PXDNL: variants seen among roughly 807,000 people sequenced by gnomAD.
PXDNL encodes the protein peroxidasin like.
A neutral mutation model predicts 150.8 loss-of-function variants in PXDNL; 145 were observed. That is an observed-to-expected ratio of 0.96 (90% CI 0.84 to 1.10). PXDNL has a LOEUF of 1.10. PXDNL is among the 50% of genes least tolerant of loss of function. PXDNL has a pLI of 0.00. For missense variants in PXDNL, 2,087 were observed against 1,873.9 expected (o/e 1.11, Z -2.10); for synonymous variants, 757 against 725.7 (o/e 1.04, Z -0.69).
intron 1 of PXDNL, among the ~76,000 whole-genome samples, chr8:51,746,339 G>A (rs1381326423): frequency 2.6e-5 from 4 of 152,178 alleles, no homozygotes; most frequent in Non-Finnish European, 5.9e-5. Flanking sequence ...AGTAGAAGAG[G>A]GAGTGGCCAC....
chr8:51,533,721 G>C (rs1288079136), intron 4 of PXDNL, among the ~76,000 whole-genome samples: 18 of 150,888 alleles, frequency 1.2e-4, no homozygotes, highest in Non-Finnish European at 1.2e-4. Flanking sequence ...TCCTAACCGC[G>C]AGTGATCCGC....
At chr8:51,376,600 G>A (rs1036612894) in intron 17 of PXDNL, among the ~76,000 whole-genome samples, 1 of 151,890 alleles carries the variant, frequency 6.6e-6, no homozygotes, top group African/African-American at 2.4e-5. Flanking sequence ...TTCACGAAAC[G>A]AATTTCTGGT....
rs571527401 is a variant in PXDNL at position 51,755,398 on chromosome 8, A to G, written c.164+53783T>C. Among the ~76,000 whole-genome samples, 141 of 152,010 alleles carry G rather than the reference A, an allele frequency of 9.3e-4. 1 individual carries two copies. The highest frequency in any genetic ancestry group is 1.7e-3 in the Non-Finnish European group (116 of 67,946). On this transcript the variant is annotated intron_variant, in intron 1 of 22. Coordinates refer to ENST00000356297, the MANE Select transcript of PXDNL (RefSeq NM_144651.5). ...CAATCCCCACCTCCTGGGTTCAAGC[A>G]ATTCTCCTGCCTCAGCCTCCTGAGT...
At chr8:51,452,214 G>A (rs963062354) in intron 10 of PXDNL, among the ~76,000 whole-genome samples, 3 of 152,182 alleles carry the variant, frequency 2.0e-5, no homozygotes, top group African/African-American at 7.2e-5. Flanking sequence ...AATGATGTAA[G>A]CAAAACAAAA....
intron 15 of PXDNL, among the ~76,000 whole-genome samples, chr8:51,412,525 T>C (rs1363108729): frequency 6.6e-6 from 1 of 152,182 alleles, no homozygotes; most frequent in Non-Finnish European, 1.5e-5. Context: ...AGCCATTCTA[T>C]TTATGGATGT....
chr8:51,755,298 G>T (rs78866842), intron 1 of PXDNL, among the ~76,000 whole-genome samples: 13 of 141,654 alleles, frequency 9.2e-5, no homozygotes, highest in African/African-American at 2.4e-4. Flanking sequence ...AGAATGTTTT[G>T]TTTTTTTTTT....
intron 6 of PXDNL, among the ~76,000 whole-genome samples, chr8:51,476,352 C>G (rs1281626741): frequency 1.3e-5 from 2 of 152,148 alleles, no homozygotes; most frequent in African/African-American, 4.8e-5. Flanking sequence ...CATGTGTTCT[C>G]TGTGTTTTCC....
intron 2 of PXDNL, among the ~76,000 whole-genome samples, chr8:51,643,945 A>G (rs11782339): frequency 6.6e-6 from 1 of 151,672 alleles, no homozygotes; most frequent in East Asian, 2.0e-4. Context: ...AAAAATGCTC[A>G]TCATCACTGG....
intron 21 of PXDNL, among the ~76,000 whole-genome samples, chr8:51,338,758 C>T (rs1805905885): frequency 6.6e-6 from 1 of 152,192 alleles, no homozygotes. Context: ...TTGATTCATC[C>T]TCAAGTTTTT....
chr8:51,435,685 G>C (rs566169311), intron 12 of PXDNL: 51 of 239,252 alleles, frequency 2.1e-4, no homozygotes, highest in Non-Finnish European at 4.1e-4. Flanking sequence ...AGGCGGAGCA[G>C]CCAGCTAAGC....
chr8:51,542,591 A>G (rs997090804), intron 4 of PXDNL, among the ~76,000 whole-genome samples: 4 of 151,958 alleles, frequency 2.6e-5, no homozygotes, highest in African/African-American at 9.7e-5. Flanking sequence ...GATGAATCAC[A>G]TGAGGTCAGC....
chr8:51,781,470 C>A (rs928359444), intron 1 of PXDNL, among the ~76,000 whole-genome samples: 1 of 152,212 alleles, frequency 6.6e-6, no homozygotes. Context: ...CATGGAGATA[C>A]ATCAGCTTTC....
Position 51,567,310 on chromosome 8 carries a change from T to C in PXDNL, c.309-10399A>G, listed in dbSNP as rs568110383. 6.6e-5 allele frequency among the ~76,000 whole-genome samples: 10 copies of C among 151,928 alleles called. No individual in the cohort carries two copies. The South Asian group carries it at 1.5e-3, about 22-fold the overall frequency. On this transcript the variant is annotated intron_variant, in intron 3 of 22. Coordinates refer to ENST00000356297, the MANE Select transcript of PXDNL (RefSeq NM_144651.5). ...TAGACCCAGTTGAGTGATGGTGCTG[T>C]TCAGTTCAACTTACTAGTTTTCTGC...
chr8:51,735,595 G>T (rs1230190460), intron 1 of PXDNL, among the ~76,000 whole-genome samples: 21 of 123,574 alleles, frequency 1.7e-4, no homozygotes, highest in African/African-American at 6.4e-4. Flanking sequence ...CGCCCAGGCT[G>T]GAGTGCAGTG....
intron 1 of PXDNL, among the ~76,000 whole-genome samples, chr8:51,660,334 T>G (rs1241928589): frequency 6.6e-6 from 1 of 152,222 alleles, no homozygotes; most frequent in African/African-American, 2.4e-5. Context: ...AAGTCTGAAC[T>G]TGAGCCCCTT....
At chr8:51,368,965 C>T (rs1807006666) in intron 19 of PXDNL, among the ~76,000 whole-genome samples, 1 of 151,994 alleles carries the variant, frequency 6.6e-6, no homozygotes, top group Non-Finnish European at 1.5e-5. Flanking sequence ...CACTGCACTC[C>T]AGCCTAGGCA....
At chr8:51,702,410 C>T (rs184637926) in intron 1 of PXDNL, among the ~76,000 whole-genome samples, 9 of 152,312 alleles carry the variant, frequency 5.9e-5, no homozygotes, top group Admixed American at 4.6e-4. Flanking sequence ...CAGTAATAAA[C>T]TCTGGCAATA....
intron 17 of PXDNL, among the ~76,000 whole-genome samples, chr8:51,395,752 G>A (rs2130850694): frequency 6.6e-6 from 1 of 152,308 alleles, no homozygotes; most frequent in African/African-American, 2.4e-5. Context: ...AAATGGCTAT[G>A]TTCCTTCTTG....
chr8:51,485,154 T>C (rs1468442838), intron 5 of PXDNL, among the ~76,000 whole-genome samples: 1 of 152,192 alleles, frequency 6.6e-6, no homozygotes, highest in Non-Finnish European at 1.5e-5. Context: ...TTAACTGTAT[T>C]AAGTGTTAAG....
Sources: gnomAD v4.1 joint callset for allele counts (sites outside exome capture counted in the v4.1 genomes callset) on GRCh38, gnomAD v4.1.1 for gene constraint, MANE v1.5 for transcripts, NCBI Gene and HGNC (gene_info 2026-07-23, HGNC 2026-07-21) for gene names.